Variants in NUP210L observed in about 807,000 individuals in gnomAD.
NUP210L encodes nuclear pore membrane glycoprotein 210-like.
Under a neutral mutation model 208.5 loss-of-function variants are expected in NUP210L, and 74 were observed. That is an observed-to-expected ratio of 0.35 (90% CI 0.29 to 0.43). The LOEUF (loss-of-function observed/expected upper bound fraction) is 0.43, where lower values mean the gene tolerates loss of function less well. NUP210L is among the 20% of genes least tolerant of loss of function. The probability of loss-of-function intolerance (pLI) is 1.00; values close to 1 mark genes in which losing one functional copy is unlikely to be tolerated. For synonymous variants in NUP210L, 780 were observed against 816.9 expected (o/e 0.95, Z 0.77); for missense variants, 1,843 against 2,289.4 (o/e 0.81, Z 3.98).
rs200535202 is a variant in NUP210L at position 154,054,223 on chromosome 1, A to G, written c.3483+5T>C. 1.3e-4 allele frequency: 205 copies of G among 1,614,000 alleles called. No homozygotes were observed. Among genetic ancestry groups the G allele is most frequent in the South Asian group, 3.3e-5 (3 of 91,082 alleles). On this transcript the variant is annotated splice_donor_5th_base_variant and intron_variant, in intron 25 of 39. Transcript: ENST00000368559. Reference sequence around the variant, plus strand: ...TAGAAGCAGAGCAGAGCAAATAACCAATACCTGAGAAAACACAATGACTTT... The same window carrying G: ...TAGAAGCAGAGCAGAGCAAATAACCGATACCTGAGAAAACACAATGACTTT...
At chr1:154,148,884 T>A (rs1659241531) in intron 2 of NUP210L, among the ~76,000 whole-genome samples, 1 of 151,564 alleles carries the variant, frequency 6.6e-6, no homozygotes, top group African/African-American at 2.4e-5. Context: ...AAGGGAGGGA[T>A]GGTAATCTTA....
chr1:154,104,126 C>A, exon 13 of NUP210L: 1 of 1,613,840 alleles, frequency 6.2e-7, no homozygotes, highest in South Asian at 1.1e-5. Flanking sequence ...TGATACATTG[C>A]AATGGGTATT....
intron 35 of NUP210L, among the ~76,000 whole-genome samples, chr1:154,009,306 T>C (rs147155982): frequency 6.6e-6 from 1 of 152,276 alleles, no homozygotes; most frequent in Non-Finnish European, 1.5e-5. Flanking sequence ...TTTCCACTTG[T>C]TAATCCTATT....
chr1:154,021,176 G>A (rs1651538883), intron 32 of NUP210L, among the ~76,000 whole-genome samples: 2 of 152,210 alleles, frequency 1.3e-5, no homozygotes, highest in African/African-American at 2.4e-5. Context: ...TCTTGACCTC[G>A]TGATCCCGCC....
At chr1:154,100,003 G>A in exon 14 of NUP210L, 1 of 1,614,086 alleles carries the variant, frequency 6.2e-7, no homozygotes, top group South Asian at 1.1e-5. Context: ...CTTACCTTTA[G>A]GGGTTCATAA....
chr1:154,087,830 A>G (rs970150355), intron 16 of NUP210L, among the ~76,000 whole-genome samples: 1 of 152,210 alleles, frequency 6.6e-6, no homozygotes, highest in Non-Finnish European at 1.5e-5. Flanking sequence ...GAAGCTAGGC[A>G]CAAAGGACAC....
intron 10 of NUP210L, 68 bp downstream of exon 10, chr1:154,126,255 C>T: frequency 7.1e-7 from 1 of 1,403,646 alleles, no homozygotes; most frequent in Non-Finnish European, 9.8e-7. Context: ...TATCTGCTTG[C>T]AAATCAACAA....
chr1:154,134,423 CTTTTTTTTTT>C (rs375962653), intron 7 of NUP210L, among the ~76,000 whole-genome samples: 2 of 129,794 alleles, frequency 1.5e-5, no homozygotes, highest in Non-Finnish European at 3.3e-5. Context: ...CTCCGTGTAC[CTTTTTTTTTT>C]TTTTTTTTGA....
intron 16 of NUP210L, among the ~76,000 whole-genome samples, chr1:154,087,514 T>C (rs1655689187): frequency 6.6e-6 from 1 of 152,098 alleles, no homozygotes; most frequent in African/African-American, 2.4e-5. Context: ...GTGCAGCCAC[T>C]TTGGAAACAG....
At chr1:154,004,475 C>T (rs1188798139) in intron 35 of NUP210L, among the ~76,000 whole-genome samples, 1 of 151,998 alleles carries the variant, frequency 6.6e-6, no homozygotes, top group African/African-American at 2.4e-5. Flanking sequence ...TCAAGTGATT[C>T]TCCTGCCTCA....
At chr1:154,077,839 G>C (rs1463167607) in intron 16 of NUP210L, among the ~76,000 whole-genome samples, 1 of 151,838 alleles carries the variant, frequency 6.6e-6, no homozygotes, top group Non-Finnish European at 1.5e-5. Flanking sequence ...ACAAAAATTA[G>C]CCAGTCATGG....
intron 29 of NUP210L, among the ~76,000 whole-genome samples, chr1:154,027,097 C>CAAAAAAAAAAAAAAAAAAAAA (rs770084247): frequency 9.2e-6 from 1 of 108,878 alleles, no homozygotes; most frequent in African/African-American, 3.7e-5. Flanking sequence ...AAAAAAAAAA[C>CAAAAAAAAAAAAAAAAAAAAA]AAAAAAAAAA....
intron 16 of NUP210L, among the ~76,000 whole-genome samples, chr1:154,080,221 A>G (rs1307353909): frequency 1.3e-5 from 2 of 151,844 alleles, no homozygotes; most frequent in Admixed American, 6.6e-5. Flanking sequence ...TGAGCCAGGC[A>G]TTGTGGCGCA....
At chr1:154,026,831 C>T (rs1223714315) in intron 29 of NUP210L, among the ~76,000 whole-genome samples, 1 of 151,850 alleles carries the variant, frequency 6.6e-6, no homozygotes, top group African/African-American at 2.4e-5. Context: ...ACCTATAATC[C>T]CAGCACTTTG....
chr1:154,053,575 C>T (rs1653645153), intron 25 of NUP210L, among the ~76,000 whole-genome samples: 1 of 152,158 alleles, frequency 6.6e-6, no homozygotes, highest in Admixed American at 6.5e-5. Context: ...ACCTGGCCCA[C>T]CCAGGGCGGA....
intron 16 of NUP210L, chr1:154,079,340 G>T (rs1232051039): frequency 6.6e-6 from 1 of 151,420 alleles, no homozygotes; most frequent in Non-Finnish European, 1.5e-5. Context: ...CCCAGGCTAG[G>T]AGCAAACTCC....
intron 29 of NUP210L, among the ~76,000 whole-genome samples, chr1:154,026,157 C>G (rs1382101102): frequency 6.6e-6 from 1 of 151,710 alleles, no homozygotes; most frequent in East Asian, 2.0e-4. Context: ...ATGGCTTGAA[C>G]CTGGGAGGCT....
At chr1:154,135,632 AG>A (rs948092193) in intron 7 of NUP210L, among the ~76,000 whole-genome samples, 181 bp downstream of exon 7, 2 of 152,050 alleles carry the variant, frequency 1.3e-5, no homozygotes, top group Non-Finnish European at 2.9e-5. Context: ...CGTGTTAGCC[AG>A]GATGGTCTCG....
At chr1:154,108,111 A>C (rs1207008187) in intron 12 of NUP210L, among the ~76,000 whole-genome samples, 1 of 152,098 alleles carries the variant, frequency 6.6e-6, no homozygotes, top group African/African-American at 2.4e-5. Context: ...AATAGAAACA[A>C]CGCAAAGTTA....
Sources: gnomAD v4.1 joint callset for allele counts (sites outside exome capture counted in the v4.1 genomes callset) on GRCh38, gnomAD v4.1.1 for gene constraint, MANE v1.5 for transcripts, NCBI Gene and HGNC (gene_info 2026-07-23, HGNC 2026-07-21) for gene names.